TVP23C: variants seen among roughly 807,000 people sequenced by gnomAD.
TVP23C encodes Golgi apparatus membrane protein TVP23 homolog C.
TVP23C carries 19 observed loss-of-function variants against 28.7 expected under a neutral mutation model. The ratio of observed to expected loss-of-function variants is 0.66; its 90% CI spans 0.46 to 0.97. TVP23C has a LOEUF of 0.97. Among genes scored for constraint, TVP23C ranks in the 50% least tolerant of loss-of-function variants. TVP23C has a pLI of 0.00. For synonymous variants in TVP23C, 68 were observed against 81.7 expected, an observed-to-expected ratio of 0.83 and a Z score of 0.90; for missense variants, 186 against 241.3, an observed-to-expected ratio of 0.77 and a Z score of 1.52.
intron 5 of TVP23C, chr17:15,507,136 C>T: frequency 7.2e-6 from 6 of 832,830 alleles, no homozygotes; most frequent in South Asian, 1.3e-5. Flanking sequence ...CTAAAGCATA[C>T]AGGTCCTGAC....
chr17:15,524,067 T>TGG (rs752941709), intron 5 of TVP23C, among the ~76,000 whole-genome samples: 1 of 82,758 alleles, frequency 1.2e-5, no homozygotes, highest in African/African-American at 4.9e-5. Context: ...GAGTGGGGTG[T>TGG]GTGTGTGTGT....
intron 1 of TVP23C, among the ~76,000 whole-genome samples, chr17:15,556,599 C>G (rs77839079): frequency 4.0e-5 from 6 of 151,606 alleles, no homozygotes; most frequent in East Asian, 1.9e-4. Flanking sequence ...TTGTGATCCA[C>G]CCGCCTCGGC....
chr17:15,526,358 A>G (rs1303005317), intron 5 of TVP23C, among the ~76,000 whole-genome samples: 1 of 152,148 alleles, frequency 6.6e-6, no homozygotes, highest in African/African-American at 2.4e-5. Context: ...CTCTCTAGTT[A>G]TATGACCCCA....
Position 15,503,183 on chromosome 17 carries a change from C to G in TVP23C, c.512G>C (p.Arg171Thr), listed in dbSNP as rs781508205. ...TTGGAAGGCGGAAGCGGGAGGATCT[C>G]TTGAGCCCAAGACTTTCAGACCAGT... The change falls in exon 6 of 6, where the codon AGA becomes ACA. Residue 171 changes from arginine to threonine, a missense_variant. Physicochemically the swap from Arg to Thr is moderately conservative, Grantham distance 71. Coordinates refer to the TVP23C transcript ENST00000225576. 6 of 1,576,350 alleles carry G rather than the reference C, an allele frequency of 3.8e-6. No homozygotes were observed. The Admixed American group carries it at 9.3e-5, about 25-fold the overall frequency.
chr17:15,508,383 A>C (rs1377061886), intron 5 of TVP23C, among the ~76,000 whole-genome samples: 1 of 152,212 alleles, frequency 6.6e-6, no homozygotes, highest in Non-Finnish European at 1.5e-5. Flanking sequence ...AATAGAGAGA[A>C]ATCATAGGAT....
At chr17:15,519,214 C>G (rs555268785) in intron 5 of TVP23C, among the ~76,000 whole-genome samples, 1 of 152,100 alleles carries the variant, frequency 6.6e-6, no homozygotes, top group East Asian at 1.9e-4. Context: ...TGAAGAAGCA[C>G]CTGGTATCCA....
chr17:15,533,292 A>T (rs1224804577), downstream of TVP23C, among the ~76,000 whole-genome samples: 2 of 152,228 alleles, frequency 1.3e-5, no homozygotes, highest in Non-Finnish European at 2.9e-5. Context: ...AAAACTCCTG[A>T]TGACACAATC....
intron 5 of TVP23C, among the ~76,000 whole-genome samples, chr17:15,519,475 T>C (rs1226130594): frequency 2.3e-5 from 2 of 85,394 alleles, no homozygotes; most frequent in East Asian, 4.4e-4. Context: ...CCATCTCAAA[T>C]AAATATACAC....
At chr17:15,547,352 A>G (rs995570396) in intron 3 of TVP23C, among the ~76,000 whole-genome samples, 4 of 152,160 alleles carry the variant, frequency 2.6e-5, no homozygotes, top group African/African-American at 9.7e-5. Context: ...GGTAGAGGTG[A>G]CAGAGCAAGC....
Position 15,539,822 on chromosome 17 carries a change from G to A in TVP23C, c.*590C>T, listed in dbSNP as rs535138175. On this transcript the variant is annotated 3_prime_UTR_variant, in exon 6 of 6. Transcript: ENST00000518321. The stretch of plus-strand genomic sequence containing the variant: ...ACCATACAACATACAGGCTGGGCAC[G>A]GTGGCTCACGCCTGTAATCCCAGCA... 6.0e-5 allele frequency: 58 copies of A among 968,766 alleles called. No homozygotes were observed. The highest frequency in any genetic ancestry group is 6.6e-5 in the Non-Finnish European group (54 of 815,752). The allele number at this position is 968,766 out of a possible 1,614,324, so 60.0% of individuals were successfully genotyped here.
chr17:15,512,508 A>G (rs574923139), intron 5 of TVP23C, among the ~76,000 whole-genome samples: 2 of 152,246 alleles, frequency 1.3e-5, no homozygotes, highest in East Asian at 1.9e-4. Flanking sequence ...CAATCCCTGC[A>G]ATGTTCGAAG....
At chr17:15,559,472 C>T (rs1056587994) in intron 1 of TVP23C, among the ~76,000 whole-genome samples, 3 of 148,600 alleles carry the variant, frequency 2.0e-5, no homozygotes, top group African/African-American at 7.3e-5. Flanking sequence ...GATGCTAAAA[C>T]CAAAAAAGCA....
At chr17:15,516,458 G>A (rs1982231453) in intron 5 of TVP23C, 1 of 152,420 alleles carries the variant, frequency 6.6e-6, no homozygotes, top group East Asian at 1.9e-4. Context: ...GGTGTCAGCA[G>A]GGCTGGTTTC....
At chr17:15,520,015 T>C (rs1177888787) in intron 5 of TVP23C, among the ~76,000 whole-genome samples, 1 of 151,904 alleles carries the variant, frequency 6.6e-6, no homozygotes, top group African/African-American at 2.4e-5. Context: ...CTGGATGCCA[T>C]TTAGCTTGGT....
At chr17:15,554,024 G>T (rs1291532677) in intron 2 of TVP23C, among the ~76,000 whole-genome samples, 195 bp from the exon 3 acceptor site, 3 of 152,158 alleles carry the variant, frequency 2.0e-5, no homozygotes, top group Admixed American at 2.0e-4. Flanking sequence ...GCCCTATAGT[G>T]ACAGAAAATA....
At chr17:15,559,120 C>G (rs1480263414) in intron 1 of TVP23C, among the ~76,000 whole-genome samples, 1 of 147,906 alleles carries the variant, frequency 6.8e-6, no homozygotes, top group Non-Finnish European at 1.5e-5. Flanking sequence ...GCCACCATGC[C>G]CAGGCTGGCC....
At chr17:15,523,674 T>C (rs1462060955) in intron 5 of TVP23C, among the ~76,000 whole-genome samples, 3 of 149,252 alleles carry the variant, frequency 2.0e-5, no homozygotes, top group Non-Finnish European at 4.4e-5. Flanking sequence ...AGTGCAGTGG[T>C]GCAATCTCGG....
At chr17:15,556,519 G>A (rs1418418342) in intron 1 of TVP23C, among the ~76,000 whole-genome samples, 1 of 152,008 alleles carries the variant, frequency 6.6e-6, no homozygotes, top group Non-Finnish European at 1.5e-5. Context: ...GTGCCACCAT[G>A]CCTGGCTAAT....
intron 5 of TVP23C, among the ~76,000 whole-genome samples, chr17:15,522,654 C>T (rs1275975888): frequency 6.6e-6 from 1 of 152,114 alleles, no homozygotes; most frequent in Non-Finnish European, 1.5e-5. Context: ...TGCAGCATAT[C>T]ATTATTACAT....
Sources: allele counts gnomAD v4.1 joint callset (sites outside exome capture counted in the v4.1 genomes callset), GRCh38; gene constraint gnomAD v4.1.1; transcripts MANE v1.5; gene names NCBI Gene and HGNC (gene_info 2026-07-23, HGNC 2026-07-21).